Variants in TMPO observed in about 807,000 individuals in gnomAD.
TMPO encodes the protein LEM domain containing 4.
A neutral mutation model predicts 45.4 loss-of-function variants in TMPO; 22 were observed. The ratio of observed to expected loss-of-function variants is 0.48; its 90% CI spans 0.35 to 0.69. The LOEUF is 0.69. TMPO is among the 30% of genes least tolerant of loss of function. The pLI, the probability that TMPO is intolerant of heterozygous loss-of-function variation, is 0.01. For synonymous variants in TMPO, 241 were observed against 204.1 expected (o/e 1.18, Z -1.54); for missense variants, 512 against 548.8 (o/e 0.93, Z 0.67).
intron 1 of TMPO, among the ~76,000 whole-genome samples, chr12:98,523,862 G>A (rs1341074430): frequency 2.6e-5 from 4 of 152,158 alleles, no homozygotes; most frequent in Non-Finnish European, 5.9e-5. Flanking sequence ...TTTTAGTAGA[G>A]ATGGGGTTTC....
At chr12:98,526,850 C>T (rs141458654) in intron 1 of TMPO, among the ~76,000 whole-genome samples, 5 of 151,844 alleles carry the variant, frequency 3.3e-5, no homozygotes, top group East Asian at 3.9e-4. Context: ...CTCAGCTACT[C>T]GGGAGGCTGA....
At position 98,535,149 on chromosome 12, in the gene TMPO, G is replaced by A. The variant is rs1182705968; in HGVS notation, c.566-2326G>A. The stretch of plus-strand genomic sequence containing the variant: ...CTTTGGATAATAATAGATATCCTGG[G>A]ATAGTGCATGTTCACCATCTATTTT... On this transcript the variant is annotated intron_variant, in intron 3 of 8. Coordinates refer to ENST00000556029, the MANE Select transcript of TMPO (RefSeq NM_001032283.3). 3.0e-6 allele frequency: 3 copies of A among 985,070 alleles called. No homozygotes were observed. In the African/African-American group the frequency reaches 5.2e-5, roughly 17 times the overall value. 61.0% of individuals were successfully genotyped at this position (985,070 alleles called of 1,614,324 possible). A position where few individuals can be genotyped will look rare whatever the true frequency, so the allele number is the denominator to read the frequency against.
intron 2 of TMPO, among the ~76,000 whole-genome samples, chr12:98,530,026 A>T (rs1450618020): frequency 1.3e-5 from 2 of 152,234 alleles, no homozygotes; most frequent in Admixed American, 6.5e-5. Context: ...TAACACTTTT[A>T]AAAAATGTTT....
intron 7 of TMPO, among the ~76,000 whole-genome samples, chr12:98,545,795 C>T (rs1459093918): frequency 8.6e-5 from 13 of 151,794 alleles, no homozygotes; most frequent in African/African-American, 9.7e-5. Flanking sequence ...TGCAGTGGCA[C>T]GGTCTCAGCT....
chr12:98,517,662 T>G (rs1178169164), intron 1 of TMPO, among the ~76,000 whole-genome samples: 1 of 152,258 alleles, frequency 6.6e-6, no homozygotes, highest in Non-Finnish European at 1.5e-5. Context: ...ACCAAACGTC[T>G]TCAGTCCGGT....
chr12:98,531,681 A>C lies in TMPO; in HGVS notation c.408A>C (p.Gly136=), dbSNP rs980926043. The C allele has an allele frequency of 1.2e-6, 2 of 1,612,170 alleles. No individual in the cohort carries two copies. Among genetic ancestry groups the C allele is most frequent in the Admixed American group, 3.3e-5 (2 of 59,986 alleles). The change falls in exon 3 of 9, where the codon GGA becomes GGC. Residue 136 remains glycine (G), a splice_region_variant and synonymous_variant. Transcript: ENST00000556029. Reference sequence around the variant, plus strand: ...AAAGCAAGTTCTGCCTTAATCCAGGAACAACCAGGAAGCTATATGAGAAAA... The same window carrying C: ...AAAGCAAGTTCTGCCTTAATCCAGGCACAACCAGGAAGCTATATGAGAAAA... ...KYGVNPGPIV[G]TTRKLYEKKL... is the part of the protein sequence containing the mutation.
intron 4 of TMPO, among the ~76,000 whole-genome samples, chr12:98,542,184 A>G (rs991030403): frequency 2.0e-5 from 3 of 152,238 alleles, no homozygotes; most frequent in African/African-American, 4.8e-5. Flanking sequence ...TAATTTCACC[A>G]TTACATTTCT....
intron 4 of TMPO, among the ~76,000 whole-genome samples, chr12:98,543,954 T>G (rs1878070928): frequency 6.6e-6 from 1 of 152,194 alleles, no homozygotes; most frequent in African/African-American, 2.4e-5. Flanking sequence ...AAAAGGGAAC[T>G]GGTGATAGTT....
At chr12:98,544,912 T>C (rs1280269547) in intron 6 of TMPO, 39 bp from the exon 7 acceptor site, 11 of 1,395,730 alleles carry the variant, frequency 7.9e-6, no homozygotes, top group Non-Finnish European at 1.1e-5. Flanking sequence ...TGTGTTATGT[T>C]TGGATAATTC....
At chr12:98,529,593 T>C (rs1877042238) in intron 2 of TMPO, among the ~76,000 whole-genome samples, 1 of 151,798 alleles carries the variant, frequency 6.6e-6, no homozygotes. Context: ...TGACAAGGTC[T>C]TTGCTCTGTT....
intron 1 of TMPO, among the ~76,000 whole-genome samples, chr12:98,525,021 G>T (rs990900969): frequency 2.0e-5 from 3 of 152,192 alleles, no homozygotes; most frequent in South Asian, 2.1e-4. Flanking sequence ...GAACCTGATT[G>T]ATTGTTTTTC....
chr12:98,546,254 A>G, intron 7 of TMPO, 105 bp from the exon 8 acceptor site: 1 of 799,260 alleles, frequency 1.3e-6, no homozygotes, highest in Non-Finnish European at 2.2e-6. Flanking sequence ...TCTATGATAG[A>G]TTTAAAGGCA....
chr12:98,527,057 T>C (rs1365019527), intron 1 of TMPO, among the ~76,000 whole-genome samples: 3 of 152,094 alleles, frequency 2.0e-5, no homozygotes, highest in Non-Finnish European at 4.4e-5. Flanking sequence ...ATTTAAATTT[T>C]TAAGGATTAT....
intron 3 of TMPO, among the ~76,000 whole-genome samples, chr12:98,536,397 A>G (rs1565813334): frequency 6.6e-6 from 1 of 152,080 alleles, no homozygotes; most frequent in Non-Finnish European, 1.5e-5. Flanking sequence ...CTTGTCCCCA[A>G]AGCTGGAGTG....
chr12:98,533,152 G>A, intron 3 of TMPO: 1 of 1,614,102 alleles, frequency 6.2e-7, no homozygotes, highest in African/African-American at 1.3e-5. Flanking sequence ...TTCTCAGCCT[G>A]AACACAGTGC....
In TMPO at chr12:98,531,846, T is replaced by C. The variant is rs545742855; in HGVS notation, c.565+8T>C. 6 of 1,608,748 alleles carry C rather than the reference T, an allele frequency of 3.7e-6. No homozygotes were observed. The highest frequency in any genetic ancestry group is 5.1e-6 in the Non-Finnish European group (6 of 1,177,122). On this transcript the variant is annotated splice_region_variant and intron_variant, in intron 3 of 8. Coordinates refer to ENST00000556029, the MANE Select transcript of TMPO (RefSeq NM_001032283.3). ...ACAGTGACAATGAAGAAGGTAAAATTTTAAATGATGTTAATCAAATGTATG... is the reference window on the plus strand; with the variant it reads ...ACAGTGACAATGAAGAAGGTAAAATCTTAAATGATGTTAATCAAATGTATG...
intron 1 of TMPO, among the ~76,000 whole-genome samples, chr12:98,523,353 A>G (rs1315180378): frequency 6.6e-6 from 1 of 152,142 alleles, no homozygotes; most frequent in Non-Finnish European, 1.5e-5. Flanking sequence ...CAGGAATTCG[A>G]GACCAGCCTG....
Position 98,533,265 on chromosome 12 carries a change from A to T in TMPO, c.565+1427A>T, listed in dbSNP as rs764384855. 7 of 1,613,996 alleles carry T rather than the reference A, an allele frequency of 4.3e-6. No homozygotes were observed. In the East Asian group the frequency reaches 1.6e-4, roughly 36 times the overall value. ...ATATTTGCGGTAGAGAGAAAAGTGG[A>T]ATTCAACCATTATGTCCTGAGAGGT... On this transcript the variant is annotated intron_variant, in intron 3 of 8. Coordinates refer to ENST00000556029, the MANE Select transcript of TMPO (RefSeq NM_001032283.3).
rs1421676028 is a variant in TMPO, at chr12:98,545,126, TTTG to T, written c.990+68_990+70del. 131 of 1,205,658 alleles carry T rather than the reference TTTG, an allele frequency of 1.1e-4. 2 individuals carry two copies. Among genetic ancestry groups the T allele is most frequent in the East Asian group, 6.8e-4 (27 of 39,716 alleles). The allele number at this position is 1,205,658 out of a possible 1,614,324, so 74.7% of individuals were successfully genotyped here. A position where few individuals can be genotyped will look rare whatever the true frequency, so the allele number is the denominator to read the frequency against. On this transcript the variant is annotated intron_variant, in intron 7 of 8. Transcript: ENST00000556029. The stretch of plus-strand genomic sequence containing the variant: ...TTCAAAGAGGAAATATAAATATTTG[TTTG>T]TTTTTTTTTTTTTTTTTTGGAGTGG...
Sources: allele counts gnomAD v4.1 joint callset (sites outside exome capture counted in the v4.1 genomes callset), GRCh38; gene constraint gnomAD v4.1.1; transcripts MANE v1.5; gene names NCBI Gene and HGNC (gene_info 2026-07-23, HGNC 2026-07-21).